Variants in PRDM16 observed in about 807,000 individuals in gnomAD.
PRDM16 encodes the protein histone-lysine N-methyltransferase PRDM16.
A neutral mutation model predicts 110.6 loss-of-function variants in PRDM16; 23 were observed. The ratio of observed to expected loss-of-function variants is 0.21; its 90% CI spans 0.15 to 0.29. PRDM16 has a LOEUF of 0.29. Among genes scored for constraint, PRDM16 ranks in the 10% least tolerant of loss-of-function variants. The pLI is 1.00. For synonymous variants in PRDM16, 799 were observed against 781.8 expected, an observed-to-expected ratio of 1.02 and a Z score of -0.37; for missense variants, 1,615 against 1,794.3, an observed-to-expected ratio of 0.90 and a Z score of 1.81.
At chr1:3,289,129 G>A (rs773454445) in intron 3 of PRDM16, among the ~76,000 whole-genome samples, 154 of 152,308 alleles carry the variant, frequency 1.0e-3, no homozygotes, top group Non-Finnish European at 1.8e-3. Flanking sequence ...CTTGTCGCCC[G>A]GCCCCTGCTA....
At chr1:3,320,509 G>A (rs983845168) in intron 3 of PRDM16, among the ~76,000 whole-genome samples, 1 of 152,340 alleles carries the variant, frequency 6.6e-6, no homozygotes, top group South Asian at 2.1e-4. Flanking sequence ...TTGGAGAACA[G>A]ATCATTTCCC....
chr1:3,376,775 A>C (rs1426261452), intron 3 of PRDM16, among the ~76,000 whole-genome samples: 154 of 49,996 alleles, frequency 3.1e-3, no homozygotes, highest in Middle Eastern at 9.1e-3. Context: ...CTCTCCTCCC[A>C]CCTCCCTCTC....
intron 3 of PRDM16, among the ~76,000 whole-genome samples, chr1:3,276,433 G>A (rs1038010915): frequency 3.3e-5 from 5 of 152,238 alleles, no homozygotes; most frequent in Admixed American, 6.5e-5. Context: ...GACTCTGCTC[G>A]TGCCCGGCCC....
Position 3,405,596 on chromosome 1 carries a change from C to G in PRDM16, c.1134C>G (p.Ser378=), listed in dbSNP as rs200169663. ...ACTGCGGGAAGACCTTCGCCACGTCCTCCGGCCTCAAGCAGCACAAGCATA... is the reference window on the plus strand; with the variant it reads ...ACTGCGGGAAGACCTTCGCCACGTCGTCCGGCCTCAAGCAGCACAAGCATA... ...CPDCGKTFAT[S]SGLKQHKHIH... The change falls in exon 8 of 17, where the codon TCC becomes TCG. Residue 378 remains serine, a synonymous_variant. Coordinates refer to ENST00000270722, the MANE Select transcript of PRDM16 (RefSeq NM_022114.4). The G allele has an allele frequency of 5.1e-4, 815 of 1,611,430 alleles. 4 individuals are homozygous for G. Among genetic ancestry groups the G allele is most frequent in the Non-Finnish European group, 9.8e-5 (116 of 1,179,190 alleles).
intron 5 of PRDM16, among the ~76,000 whole-genome samples, chr1:3,400,400 C>G (rs969867044): frequency 3.9e-5 from 6 of 152,176 alleles, no homozygotes; most frequent in African/African-American, 1.4e-4. Flanking sequence ...TGGGCTCTCT[C>G]TGAAGAATTT....
chr1:3,091,764 G>A (rs966075953), intron 1 of PRDM16, among the ~76,000 whole-genome samples: 3 of 152,200 alleles, frequency 2.0e-5, no homozygotes, highest in African/African-American at 4.8e-5. Flanking sequence ...TCGTGAGCTC[G>A]GGGTGTAGCC....
At chr1:3,181,241 C>CAGTCTT (rs1270602035) in intron 1 of PRDM16, among the ~76,000 whole-genome samples, 74 of 147,586 alleles carry the variant, frequency 5.0e-4, no homozygotes, top group Non-Finnish European at 9.0e-4. Context: ...CGGTCTTACA[C>CAGTCTT]ACAGTCTTAC....
chr1:3,234,244 A>G lies in PRDM16; in HGVS notation c.388-9843A>G, dbSNP rs762088094. ...GTAGCTTTGATGCTTCCTCTCCAGT[A>G]TGGTCACCAACAGAGGGGCTTCCCG... On this transcript the variant is annotated intron_variant, in intron 2 of 16. Coordinates refer to ENST00000270722, the MANE Select transcript of PRDM16 (RefSeq NM_022114.4). Among the ~76,000 whole-genome samples the G allele has an allele frequency of 6.7e-4, 102 of 151,990 alleles. 1 individual carries two copies. The highest frequency in any genetic ancestry group is 2.1e-4 in the South Asian group (1 of 4,816).
At chr1:3,356,903 C>T (rs529348144) in intron 3 of PRDM16, among the ~76,000 whole-genome samples, 17 of 152,240 alleles carry the variant, frequency 1.1e-4, no homozygotes, top group African/African-American at 2.9e-4. Flanking sequence ...ATCCCGGCAG[C>T]GGGAGGGCCG....
At chr1:3,085,286 G>GAA (rs1642124688) in intron 1 of PRDM16, among the ~76,000 whole-genome samples, 1 of 152,198 alleles carries the variant, frequency 6.6e-6, no homozygotes, top group Non-Finnish European at 1.5e-5. Context: ...GGCTATGGTG[G>GAA]CCTTCGCTTG....
chr1:3,397,821 C>T (rs1643408335), intron 5 of PRDM16, among the ~76,000 whole-genome samples: 1 of 152,204 alleles, frequency 6.6e-6, no homozygotes, highest in Non-Finnish European at 1.5e-5. Context: ...CTGGAATGAG[C>T]AGGAAGGCTT....
At chr1:3,287,566 G>A (rs1329422439) in intron 3 of PRDM16, among the ~76,000 whole-genome samples, 1 of 42,050 alleles carries the variant, frequency 2.4e-5, no homozygotes, top group African/African-American at 1.8e-4. Context: ...CCTGCCACGC[G>A]GGCATCCAGG....
At position 3,425,959 on chromosome 1, in the gene PRDM16, C is replaced by T; in HGVS notation, c.3110-92C>T. On this transcript the variant is annotated intron_variant, in intron 13 of 16. Transcript: ENST00000270722. This position sits in a 1 kb window ranked among gnomAD's most constrained non-coding sequence, Gnocchi z 6.9. ...CCTAAGAAACCTGCCTCCCTAACAG[C>T]ACCCCAGGTGTACCCCGTTCGCGGT... 2.1e-6 allele frequency: 3 copies of T among 1,412,104 alleles called. No individual in the cohort carries two copies. The highest frequency in any genetic ancestry group is 2.9e-6 in the Non-Finnish European group (3 of 1,048,334). The allele number at this position is 1,412,104 out of a possible 1,614,324, so 87.5% of individuals were successfully genotyped here. A position where few individuals can be genotyped will look rare whatever the true frequency, so the allele number is the denominator to read the frequency against.
In PRDM16 at chr1:3,411,794, T is replaced by C. The variant is rs870124; in HGVS notation, c.1597T>C (p.Ser533Pro). 0.85 allele frequency: 1,377,126 copies of C among 1,611,306 alleles called. 590,885 individuals carry two copies. Among genetic ancestry groups the C allele is most frequent in the East Asian group, 1 (44,795 of 44,816 alleles). ...YPRPPLLPPT[S>P]LLKSPLNHTQ... ...CCGGCCGCCTCTGCTACCTCCCACA[T>C]CGCTGCTCAAGAGCCCCCTGAACCA... Residue 533 changes from serine to proline, a missense_variant, in exon 9 of 17, where the codon TCG (serine) becomes CCG (proline). Around this residue, in one of 5 missense-constraint regions of PRDM16, gnomAD observed 772 missense variants for 748.3 expected, o/e 1.03. Coordinates refer to ENST00000270722, the MANE Select transcript of PRDM16 (RefSeq NM_022114.4).
intron 3 of PRDM16, among the ~76,000 whole-genome samples, chr1:3,312,025 C>A (rs1641473115): frequency 6.6e-6 from 1 of 152,204 alleles, no homozygotes; most frequent in Non-Finnish European, 1.5e-5. Context: ...TCTGGAGTGT[C>A]CAGCCCAGGA....
intron 3 of PRDM16, among the ~76,000 whole-genome samples, chr1:3,323,465 C>T (rs1011930163): frequency 7.2e-5 from 11 of 152,256 alleles, no homozygotes; most frequent in Admixed American, 2.0e-4. Context: ...CTCAGGAAAG[C>T]GTCTTCCTCC....
chr1:3,412,849 C>T (rs777916835), intron 9 of PRDM16, 49 bp downstream of exon 9: 8 of 1,380,552 alleles, frequency 5.8e-6, no homozygotes, highest in East Asian at 5.4e-5. Context: ...GGGGCCGCGG[C>T]GGTGCTGGGC....
At position 3,081,068 on chromosome 1, in the gene PRDM16, G is replaced by A. The variant is rs1463212296; in HGVS notation, c.37+11772G>A. On this transcript the variant is annotated intron_variant, in intron 1 of 16. Coordinates refer to ENST00000270722, the MANE Select transcript of PRDM16 (RefSeq NM_022114.4). The surrounding 1 kb of genome is among the most constrained non-coding windows in gnomAD (Gnocchi z 4.6). ...GGGGGCAGATAGCGTAGCCACGAGG[G>A]GCTCTCTGGTTTCATGGCTGGGAAT... 3.3e-5 allele frequency among the ~76,000 whole-genome samples: 5 copies of A among 152,178 alleles called. No individual in the cohort carries two copies. Among genetic ancestry groups the A allele is most frequent in the Middle Eastern group, 3.2e-3 (1 of 316 alleles).
In PRDM16 at chr1:3,120,457, G is replaced by T. The variant is rs529323779; in HGVS notation, c.37+51161G>T. ...AGGGGCTTTGCTCCTGAACTCGGGG[G>T]TCGTCACACACAAAAAGACCACTTC... On this transcript the variant is annotated intron_variant, in intron 1 of 16. Coordinates refer to ENST00000270722, the MANE Select transcript of PRDM16 (RefSeq NM_022114.4). Among the ~76,000 whole-genome samples, 56 of 152,348 alleles carry T rather than the reference G, an allele frequency of 3.7e-4. 1 individual carries two copies. Among genetic ancestry groups the T allele is most frequent in the African/African-American group, 1.3e-3 (54 of 41,578 alleles).
Sources: gnomAD v4.1 joint callset for allele counts (sites outside exome capture counted in the v4.1 genomes callset) on GRCh38, gnomAD v4.1.1 for gene constraint, gnomAD v4.1.1 regional missense constraint, Gnocchi (gnomAD v3.1) non-coding constraint, MANE v1.5 for transcripts, NCBI Gene and HGNC (gene_info 2026-07-23, HGNC 2026-07-21) for gene names.